PCNT: variants seen among roughly 807,000 people sequenced by gnomAD.
PCNT encodes pericentrin, also known as kendrin.
Under a neutral mutation model 380.4 loss-of-function variants are expected in PCNT, and 319 were observed. The observed-to-expected ratio is 0.84, with a 90% CI of 0.77 to 0.92. PCNT has a LOEUF of 0.92. Ranked by LOEUF, PCNT falls within the 40% of genes least tolerant of loss-of-function variation. The pLI is 0.00. For synonymous variants in PCNT, 1,845 were observed against 1,735.2 expected (o/e 1.06, Z -1.57); for missense variants, 4,400 against 4,255.3 (o/e 1.03, Z -0.95).
chr21:46,431,093 A>C, intron 37 of PCNT: 1 of 985,420 alleles, frequency 1.0e-6, no homozygotes. Flanking sequence ...TTTCAACAGC[A>C]TGGAAGTGGT....
At chr21:46,367,184 C>T (rs376643583) in intron 15 of PCNT, 45 bp downstream of exon 15, 56 of 1,533,660 alleles carry the variant, frequency 3.7e-5, no homozygotes, top group Admixed American at 2.5e-4. Flanking sequence ...GGCCTCTCCT[C>T]GCTGCCTGTG....
chr21:46,427,292 A>G (rs572303862), intron 33 of PCNT, among the ~76,000 whole-genome samples: 1 of 152,324 alleles, frequency 6.6e-6, no homozygotes, highest in Admixed American at 6.5e-5. Flanking sequence ...AACGGCTGTC[A>G]GTCTGCTCAG....
chr21:46,438,167 A>G lies in PCNT; in HGVS notation c.9103A>G (p.Lys3035Glu). ...AATTTATTTTCTTTTCTCCAAGAAA[A>G]AAATGGCAGCAGAGCTGCAGTTCCA... ...DLSRPTSSQKKMAAELQFQFV... is the reference protein window; with the variant it reads ...DLSRPTSSQKEMAAELQFQFV... Residue 3035 changes from lysine (K) to glutamate (E), a missense_variant, in exon 41 of 47, where the codon AAA (lysine) becomes GAA (glutamate). Transcript: ENST00000359568. The G allele has an allele frequency of 6.2e-7, 1 of 1,613,526 alleles. No individual in the cohort carries two copies. Among genetic ancestry groups the G allele is most frequent in the Non-Finnish European group, 8.5e-7 (1 of 1,179,442 alleles).
intron 38 of PCNT, among the ~76,000 whole-genome samples, chr21:46,433,117 G>A (rs185986057): frequency 1.3e-5 from 2 of 152,138 alleles, no homozygotes; most frequent in Non-Finnish European, 2.9e-5. Context: ...CACGGTGGCC[G>A]ATGCCTGTAA....
intron 15 of PCNT, among the ~76,000 whole-genome samples, chr21:46,377,894 T>G (rs370460383): frequency 1.0e-5 from 1 of 98,802 alleles, no homozygotes; most frequent in Admixed American, 9.5e-5. Flanking sequence ...CTCCCCATTC[T>G]CCCTTCTCCC....
At chr21:46,395,121 G>A (rs1362820625) in intron 21 of PCNT, among the ~76,000 whole-genome samples, 2 of 152,344 alleles carry the variant, frequency 1.3e-5, no homozygotes, top group East Asian at 1.9e-4. Context: ...TGTTTACAGC[G>A]GACTCGCCGT....
intron 45 of PCNT, among the ~76,000 whole-genome samples, chr21:46,444,437 T>C (rs1180279668): frequency 1.3e-5 from 2 of 152,078 alleles, no homozygotes; most frequent in Non-Finnish European, 2.9e-5. Context: ...GGTTGGGTAA[T>C]AGATACATCG....
intron 2 of PCNT, among the ~76,000 whole-genome samples, chr21:46,332,705 T>G (rs1275859328): frequency 6.6e-6 from 1 of 152,254 alleles, no homozygotes; most frequent in Non-Finnish European, 1.5e-5. Context: ...ATGGGTGCTC[T>G]CTCTCTGCAT....
chr21:46,397,619 G>A (rs779299304), intron 22 of PCNT, 125 bp downstream of exon 22: 1 of 794,440 alleles, frequency 1.3e-6, no homozygotes, highest in East Asian at 2.7e-5. Context: ...CACACCTGCT[G>A]CACAGGTGCA....
At position 46,334,390 on chromosome 21, in the gene PCNT, T is replaced by G; in HGVS notation, c.268-7T>G. The G allele has an allele frequency of 6.2e-7, 1 of 1,613,876 alleles. No individual in the cohort carries two copies. The highest frequency in any genetic ancestry group is 8.5e-7 in the Non-Finnish European group (1 of 1,179,758). On this transcript the variant is annotated splice_polypyrimidine_tract_variant and splice_region_variant and intron_variant, in intron 2 of 46. Transcript: ENST00000359568. The stretch of plus-strand genomic sequence containing the variant: ...TAAATGCTTCTTTCTGGTCCTCCCC[T>G]TCTTAGCCGGAGGACTGTGATGGAG...
chr21:46,445,574 C>G lies in PCNT; in HGVS notation c.*247C>G, dbSNP rs779018605. 1 of 559,278 alleles carries G rather than the reference C, an allele frequency of 1.8e-6. No homozygotes were observed. The highest frequency in any genetic ancestry group is 3.2e-6 in the Non-Finnish European group (1 of 313,448). 34.6% of individuals were successfully genotyped at this position (559,278 alleles called of 1,614,324 possible). The stretch of plus-strand genomic sequence containing the variant: ...TTCGTGAGGTGACGGGCACTCACTC[C>G]CATGAGCCCTGGCTGTGTGCTGTTG... On this transcript the variant is annotated 3_prime_UTR_variant, in exon 47 of 47. Transcript: ENST00000359568.
rs2085931089 is a variant in PCNT, at chr21:46,388,842, C to T, written c.3565C>T (p.Leu1189Phe). Residue 1189 changes from leucine (L) to phenylalanine (F), a missense_variant, in exon 18 of 47, where the codon CTC (leucine) becomes TTC (phenylalanine). Coordinates refer to ENST00000359568, the MANE Select transcript of PCNT (RefSeq NM_006031.6). This position sits in a 1 kb window ranked among gnomAD's most constrained non-coding sequence, Gnocchi z 4.2. ...GAGCCGGATCGGGGAGCGCGTGGGGCTCTGCCTGGATGACGCGGGCGCAGG... is the reference window on the plus strand; with the variant it reads ...GAGCCGGATCGGGGAGCGCGTGGGGTTCTGCCTGGATGACGCGGGCGCAGG... ...LRSRIGERVG[L>F]CLDDAGAGLA... The T allele has an allele frequency of 1.9e-6, 3 of 1,611,460 alleles. No homozygotes were observed. Among genetic ancestry groups the T allele is most frequent in the Non-Finnish European group, 2.5e-6 (3 of 1,179,938 alleles).
intron 29 of PCNT, among the ~76,000 whole-genome samples, chr21:46,415,408 C>T (rs865919969): frequency 1.3e-4 from 16 of 125,196 alleles, no homozygotes; most frequent in South Asian, 2.6e-4. Flanking sequence ...GACAGAGTCT[C>T]GCTCTGTCGC....
At chr21:46,354,156 C>T (rs1362665665) in intron 11 of PCNT, 88 bp downstream of exon 11, 8 of 1,188,848 alleles carry the variant, frequency 6.7e-6, no homozygotes, top group African/African-American at 6.0e-5. Flanking sequence ...CCTGTGTTTC[C>T]GTCCTTCCCA....
intron 30 of PCNT, 99 bp downstream of exon 30, chr21:46,416,938 C>A: frequency 1.6e-6 from 2 of 1,219,682 alleles, no homozygotes; most frequent in Non-Finnish European, 2.3e-6. Context: ...CCTGACAGCA[C>A]ACACCTCGCA....
rs138617654 is a variant in PCNT, at chr21:46,354,023, A to T, written c.1716A>T (p.Lys572Asn). The T allele has an allele frequency of 1.9e-4, 308 of 1,614,014 alleles. No homozygotes were observed. Among genetic ancestry groups the T allele is most frequent in the Non-Finnish European group, 2.6e-4 (302 of 1,179,990 alleles). ...TGGGTTTAGAAGAGAAACCTGAGAA[A>T]GGAAGAAAAGATCACGTTGATGAAC... ...SCVGLEEKPE[K>N]GRKDHVDELE... Residue 572 changes from lysine (K) to asparagine (N), a missense_variant, in exon 11 of 47, where the codon AAA becomes AAT. Lys to Asn is a moderately conservative substitution (Grantham distance 94). Coordinates refer to ENST00000359568, the MANE Select transcript of PCNT (RefSeq NM_006031.6).
rs572541045 is a variant in PCNT at position 46,417,797 on chromosome 21, G to A, written c.6922-407G>A. ...TGCCGCCCATGGTCCCTGCTCTTCAGGAGGCTGAGGCAGGAGGATCACTTG... is the reference window on the plus strand; with the variant it reads ...TGCCGCCCATGGTCCCTGCTCTTCAAGAGGCTGAGGCAGGAGGATCACTTG... On this transcript the variant is annotated intron_variant, in intron 30 of 46. Transcript: ENST00000359568. Among the ~76,000 whole-genome samples the A allele has an allele frequency of 8.5e-5, 13 of 152,316 alleles. No homozygotes were observed. The South Asian group carries it at 2.5e-3, about 29-fold the overall frequency.
chr21:46,390,964 C>T (rs1423477696), intron 20 of PCNT, 132 bp downstream of exon 20: 7 of 1,246,654 alleles, frequency 5.6e-6, no homozygotes, highest in South Asian at 1.3e-5. Flanking sequence ...ATGGGAGGCA[C>T]CCATGGTTTG....
chr21:46,400,658 C>T (rs1434327242), intron 25 of PCNT, among the ~76,000 whole-genome samples: 2 of 151,766 alleles, frequency 1.3e-5, no homozygotes, highest in Non-Finnish European at 2.9e-5. Context: ...TAGCTGGGAG[C>T]ACAGGCACGC....
Sources: allele counts gnomAD v4.1 joint callset (sites outside exome capture counted in the v4.1 genomes callset), GRCh38; gene constraint gnomAD v4.1.1; non-coding constraint Gnocchi (gnomAD v3.1); transcripts MANE v1.5; gene names NCBI Gene and HGNC (gene_info 2026-07-23, HGNC 2026-07-21).